Variants in CDH13 observed in about 807,000 individuals in gnomAD.
The protein encoded by CDH13 is cadherin-13.
CDH13 carries 24 observed loss-of-function variants against 63.8 expected under a neutral mutation model. The observed-to-expected ratio is 0.38, with a 90% CI of 0.27 to 0.53. The LOEUF (loss-of-function observed/expected upper bound fraction) is 0.53. CDH13 is among the 20% of genes least tolerant of loss of function. CDH13 has a pLI of 0.85. For missense variants in CDH13, 1,049 were observed against 903.1 expected, an observed-to-expected ratio of 1.16 and a Z score of -2.07; for synonymous variants, 503 against 355.3, an observed-to-expected ratio of 1.42 and a Z score of -4.67.
Position 83,537,858 on chromosome 16 carries a change from A to G in CDH13, c.960+51203A>G, listed in dbSNP as rs1284748451. ...CCCATGTTTCCTACCATATTTCTAA[A>G]AGAATATTATTTTATACCATAACTA... On this transcript the variant is annotated intron_variant, in intron 7 of 13. Transcript: ENST00000567109. Among the ~76,000 whole-genome samples, 3 of 152,190 alleles carry G rather than the reference A, an allele frequency of 2.0e-5. No individual in the cohort carries two copies. In the East Asian group the frequency reaches 5.8e-4, roughly 29 times the overall value.
rs577704726 is a variant in CDH13 at position 83,326,828 on chromosome 16, G to GT, written c.637-18032dup. On this transcript the variant is annotated intron_variant, in intron 5 of 13. Coordinates refer to ENST00000567109, the MANE Select transcript of CDH13 (RefSeq NM_001257.5). ...CTATAACAAAGCCAAATGCTGGCTG[G>GT]TTGTCATGTGCCCTGTCTGTACTCC... Among the ~76,000 whole-genome samples the GT allele has an allele frequency of 5.3e-3, 813 of 152,302 alleles. 1 individual carries two copies. The highest frequency in any genetic ancestry group is 9.0e-3 in the Non-Finnish European group (614 of 68,032).
At chr16:83,392,127 A>T (rs943572145) in intron 6 of CDH13, among the ~76,000 whole-genome samples, 2 of 152,118 alleles carry the variant, frequency 1.3e-5, no homozygotes, top group African/African-American at 4.8e-5. Flanking sequence ...ATACACACTG[A>T]TCTTCTGTTA....
chr16:83,681,572 A>C (rs1915407106), intron 10 of CDH13, among the ~76,000 whole-genome samples: 2 of 147,748 alleles, frequency 1.4e-5, no homozygotes, highest in African/African-American at 2.5e-5. Flanking sequence ...TCTCCCCTTC[A>C]CTCCCTCCTA....
rs532698301 is a variant in CDH13 at position 82,947,789 on chromosome 16, G to C, written c.158-84221G>C. The stretch of plus-strand genomic sequence containing the variant: ...AGTTTATCTTCCATATTTCCAATGA[G>C]AATCAGTTCCTCAAGTGGAATTTTA... On this transcript the variant is annotated intron_variant, in intron 2 of 13. Transcript: ENST00000567109. Among the ~76,000 whole-genome samples the C allele has an allele frequency of 9.2e-5, 14 of 152,210 alleles. No homozygotes were observed. The East Asian group carries it at 2.7e-3, about 29-fold the overall frequency.
At chr16:82,638,580 C>A (rs898895029) in intron 1 of CDH13, among the ~76,000 whole-genome samples, 6 of 152,088 alleles carry the variant, frequency 3.9e-5, no homozygotes, top group African/African-American at 1.4e-4. Flanking sequence ...GTCATGGGGT[C>A]TTGGCTTTCA....
chr16:82,662,960 T>A, intron 1 of CDH13, among the ~76,000 whole-genome samples: 1 of 152,142 alleles, frequency 6.6e-6, no homozygotes, highest in East Asian at 1.9e-4. Context: ...ACATTGATGA[T>A]TTCGAGTTAA....
chr16:82,920,346 G>T (rs1239533666), intron 2 of CDH13, among the ~76,000 whole-genome samples: 1 of 152,202 alleles, frequency 6.6e-6, no homozygotes, highest in Non-Finnish European at 1.5e-5. Flanking sequence ...ATCCTTCAGA[G>T]AAACTCCAAT....
At chr16:83,699,550 T>C (rs1905893935) in intron 10 of CDH13, among the ~76,000 whole-genome samples, 1 of 152,172 alleles carries the variant, frequency 6.6e-6, no homozygotes, top group Admixed American at 6.5e-5. Context: ...ATTTCTTAGC[T>C]GTCTCAATCT....
chr16:83,054,180 C>G (rs771691760), intron 3 of CDH13, among the ~76,000 whole-genome samples: 1 of 152,076 alleles, frequency 6.6e-6, no homozygotes, highest in Non-Finnish European at 1.5e-5. Context: ...TTGCACAATG[C>G]CAGAATCAAC....
chr16:83,733,316 G>A (rs898681719), intron 10 of CDH13, among the ~76,000 whole-genome samples: 1 of 152,144 alleles, frequency 6.6e-6, no homozygotes, highest in African/African-American at 2.4e-5. Context: ...CGTGCTCCTG[G>A]GTGAGCTCTC....
intron 1 of CDH13, among the ~76,000 whole-genome samples, chr16:82,747,474 A>G (rs1204518875): frequency 1.3e-5 from 2 of 152,206 alleles, no homozygotes; most frequent in African/African-American, 2.4e-5. Context: ...TTTTTAGTGC[A>G]GTGCTTCTCA....
chr16:83,686,792 G>A (rs1329249864), intron 10 of CDH13, among the ~76,000 whole-genome samples: 2 of 152,264 alleles, frequency 1.3e-5, no homozygotes, highest in South Asian at 2.1e-4. Context: ...GGGCTCAAAT[G>A]TCTGGAAACA....
intron 7 of CDH13, among the ~76,000 whole-genome samples, chr16:83,565,838 C>T (rs1208978781): frequency 6.6e-6 from 1 of 150,868 alleles, no homozygotes; most frequent in South Asian, 2.1e-4. Context: ...TTATTATTTT[C>T]TGATAACTTA....
intron 5 of CDH13, among the ~76,000 whole-genome samples, chr16:83,314,261 G>T (rs1267256270): frequency 6.6e-6 from 1 of 151,602 alleles, no homozygotes; most frequent in Non-Finnish European, 1.5e-5. Context: ...TATCTTTCCA[G>T]CTAGGGTGAT....
intron 10 of CDH13, among the ~76,000 whole-genome samples, chr16:83,709,444 C>G (rs938388277): frequency 3.9e-5 from 6 of 152,230 alleles, no homozygotes; most frequent in African/African-American, 1.2e-4. Flanking sequence ...CATGCACACC[C>G]CAAGTTTTCC....
chr16:82,810,385 C>T (rs569889326), intron 1 of CDH13, among the ~76,000 whole-genome samples: 1 of 152,104 alleles, frequency 6.6e-6, no homozygotes, highest in Non-Finnish European at 1.5e-5. Flanking sequence ...AGAGGTACAG[C>T]TACCAGAAAA....
intron 5 of CDH13, among the ~76,000 whole-genome samples, chr16:83,248,459 A>C (rs945024178): frequency 6.6e-5 from 10 of 152,186 alleles, no homozygotes; most frequent in African/African-American, 2.2e-4. Context: ...GTGTCATTGT[A>C]TCATCATAAA....
At chr16:83,178,258 G>T (rs2038207500) in intron 4 of CDH13, among the ~76,000 whole-genome samples, 1 of 152,130 alleles carries the variant, frequency 6.6e-6, no homozygotes, top group Non-Finnish European at 1.5e-5. Flanking sequence ...TGCACCTGTG[G>T]CTGTACCCAT....
intron 1 of CDH13, among the ~76,000 whole-genome samples, chr16:82,627,380 G>A (rs7498921): frequency 7.0e-6 from 1 of 142,406 alleles, no homozygotes; most frequent in East Asian, 2.3e-4. Flanking sequence ...GTGTGTGTGT[G>A]TACGTTCGTT....
Sources: gnomAD v4.1 joint callset for allele counts (sites outside exome capture counted in the v4.1 genomes callset) on GRCh38, gnomAD v4.1.1 for gene constraint, MANE v1.5 for transcripts, NCBI Gene and HGNC (gene_info 2026-07-23, HGNC 2026-07-21) for gene names.